BZW1: variants seen among roughly 807,000 people sequenced by gnomAD.
BZW1 encodes the protein basic leucine zipper and W2 domains 1.
BZW1 carries 3 observed loss-of-function variants against 54.1 expected under a neutral mutation model. The observed-to-expected ratio is 0.06, with a 90% confidence interval of 0.03 to 0.14. The LOEUF is 0.14. Among genes scored for constraint, BZW1 ranks in the 10% least tolerant of loss-of-function variants. The pLI is 1.00. For missense variants in BZW1, 206 were observed against 491.7 expected (o/e 0.42, Z 5.50); for synonymous variants, 152 against 162.7 (o/e 0.93, Z 0.50).
intron 10 of BZW1, 120 bp downstream of exon 10, chr2:200,820,240 A>G: frequency 1.1e-6 from 1 of 918,860 alleles, no homozygotes; most frequent in Non-Finnish European, 1.6e-6. Flanking sequence ...TCTAGTTATG[A>G]GTCACCTCTG....
In BZW1 at chr2:200,812,615, A is replaced by G. The variant is rs1480823717; in HGVS notation, c.-10-593A>G. On this transcript the variant is annotated intron_variant, in intron 1 of 11. Coordinates refer to ENST00000409600, the MANE Select transcript of BZW1 (RefSeq NM_001207067.2). ...ATGGGAAGGGTGTGGATTGGGAGACACGTTACCGGGGAGGAGGCTAGGACT... is the reference window on the plus strand; with the variant it reads ...ATGGGAAGGGTGTGGATTGGGAGACGCGTTACCGGGGAGGAGGCTAGGACT... 5 of 1,344,762 alleles carry G rather than the reference A, an allele frequency of 3.7e-6. No homozygotes were observed. In the East Asian group the frequency reaches 1.3e-4, roughly 34 times the overall value. 83.3% of individuals were successfully genotyped at this position (1,344,762 alleles called of 1,614,324 possible). A position where few individuals can be genotyped will look rare whatever the true frequency, so the allele number is the denominator to read the frequency against.
chr2:200,822,050 C>T (rs1298742483), intron 11 of BZW1, 97 bp from the exon 12 acceptor site: 7 of 1,181,076 alleles, frequency 5.9e-6, no homozygotes, highest in African/African-American at 3.1e-5. Flanking sequence ...GCCTGTGGGA[C>T]AGAGGGAGAC....
rs1226206662 is a variant in BZW1, at chr2:200,823,538, G to A, written c.*1360G>A. 2 of 152,184 alleles carry A rather than the reference G, an allele frequency of 1.3e-5. No individual in the cohort carries two copies. The highest frequency in any genetic ancestry group is 4.8e-5 in the African/African-American group (2 of 41,274). The allele number at this position is 152,184 out of a possible 1,614,324, so 9.4% of individuals were successfully genotyped here. ...GGAATAATGCCACCAGAGACTGAGT[G>A]GAAATCGCCCCTTTTGAAGGTGCCA... On this transcript the variant is annotated 3_prime_UTR_variant, in exon 12 of 12. Transcript: ENST00000409600.
rs759511874 is a variant in BZW1 at position 200,818,011 on chromosome 2, A to G, written c.576A>G (p.Ser192=). ...SAAFAVKLFK[S]WINEKDINAV... ...CTTTTGCTGTGAAGCTCTTTAAATC[A>G]TGGATAAATGAAAAAGATATCAATG... Residue 192 remains serine, a synonymous_variant, in exon 7 of 12, where the codon TCA becomes TCG. Coordinates refer to ENST00000409600, the MANE Select transcript of BZW1 (RefSeq NM_001207067.2). 2.2e-4 allele frequency: 335 copies of G among 1,553,330 alleles called. No homozygotes were observed. The highest frequency in any genetic ancestry group is 2.7e-4 in the Non-Finnish European group (313 of 1,147,002).
At chr2:200,821,336 G>A (rs1416311227) in intron 11 of BZW1, 31 bp downstream of exon 11, 1 of 1,609,854 alleles carries the variant, frequency 6.2e-7, no homozygotes, top group Admixed American at 1.7e-5. Context: ...GGTTTGTTTG[G>A]TAAAGCTAAT....
chr2:200,815,782 T>C (rs1305297463), intron 4 of BZW1, 21 bp downstream of exon 4: 1 of 1,507,900 alleles, frequency 6.6e-7, no homozygotes, highest in South Asian at 1.3e-5. Flanking sequence ...CTTTACATAA[T>C]TGTTTTCAGT....
In BZW1 at chr2:200,826,152, T is replaced by A. The variant is rs1370991177; in HGVS notation, c.*3974T>A. The A allele has an allele frequency of 2.0e-5, 3 of 152,164 alleles. No individual in the cohort carries two copies. The highest frequency in any genetic ancestry group is 7.2e-5 in the African/African-American group (3 of 41,444). 9.4% of individuals were successfully genotyped at this position (152,164 alleles called of 1,614,324 possible). On this transcript the variant is annotated 3_prime_UTR_variant, in exon 12 of 12. Transcript: ENST00000409600. ...TAATTGGCTTTTGTCCAAAAACTCT[T>A]AAGTGGATTAATATCTGAACAATCT...
At chr2:200,819,120 A>C (rs2038407095) in intron 9 of BZW1, 3 of 538,564 alleles carry the variant, frequency 5.6e-6, no homozygotes, top group Non-Finnish European at 9.3e-6. Flanking sequence ...GGCCAGGCAC[A>C]ATGGCTCACG....
chr2:200,813,375 T>C (rs750206244), intron 2 of BZW1, 94 bp downstream of exon 2: 65 of 1,106,390 alleles, frequency 5.9e-5, no homozygotes, highest in Non-Finnish European at 7.8e-5. Flanking sequence ...TACTAAAGCC[T>C]CAAAAGAAGA....
In BZW1 at chr2:200,812,267, C is replaced by T. The variant is rs529708605; in HGVS notation, c.-11+277C>T. 4.8e-5 allele frequency: 59 copies of T among 1,232,482 alleles called. 1 individual carries two copies. The South Asian group carries it at 2.0e-3, about 42-fold the overall frequency. The allele number at this position is 1,232,482 out of a possible 1,614,324, so 76.3% of individuals were successfully genotyped here. On this transcript the variant is annotated intron_variant, in intron 1 of 11. Coordinates refer to ENST00000409600, the MANE Select transcript of BZW1 (RefSeq NM_001207067.2). ...CGAGGCGGGCTCCCTCTGGGCCGTG[C>T]CCGGCCTGGCTAACAAAGCCGCCGC...
chr2:200,818,529 C>G, intron 8 of BZW1, 136 bp downstream of exon 8: 6 of 1,149,686 alleles, frequency 5.2e-6, no homozygotes, highest in Non-Finnish European at 7.4e-6. Flanking sequence ...TTGCCTCATT[C>G]TTTTGCATAT....
At chr2:200,817,931 C>A in intron 6 of BZW1, 43 bp from the exon 7 acceptor site, 2 of 1,361,044 alleles carry the variant, frequency 1.5e-6, no homozygotes, top group Non-Finnish European at 2.0e-6. Flanking sequence ...GTGATTGAAA[C>A]CAGGGAAGGT....
In BZW1 at chr2:200,818,958, G is replaced by T; in HGVS notation, c.966+57G>T. On this transcript the variant is annotated intron_variant, in intron 9 of 11. Transcript: ENST00000409600. ...ATTCTGCTTTCACGTGGTGATAAGTGAACTGTGACTATATTTTTCTAAGAG... is the reference window on the plus strand; with the variant it reads ...ATTCTGCTTTCACGTGGTGATAAGTTAACTGTGACTATATTTTTCTAAGAG... 3 of 1,495,444 alleles carry T rather than the reference G, an allele frequency of 2.0e-6. No individual in the cohort carries two copies. In the South Asian group the frequency reaches 4.1e-5, roughly 20 times the overall value. The allele number at this position is 1,495,444 out of a possible 1,614,324, so 92.6% of individuals were successfully genotyped here. A position where few individuals can be genotyped will look rare whatever the true frequency, so the allele number is the denominator to read the frequency against.
At position 200,827,143 on chromosome 2, in the gene BZW1, G is replaced by A. The variant is rs879614168; in HGVS notation, c.*4965G>A. ...AGTTAGGAGCAATGGCGCCCAGGACGGCACACAGAATGGAGAAAACTGGAT... is the reference window on the plus strand; with the variant it reads ...AGTTAGGAGCAATGGCGCCCAGGACAGCACACAGAATGGAGAAAACTGGAT... On this transcript the variant is annotated 3_prime_UTR_variant, in exon 12 of 12. Transcript: ENST00000409600. The A allele has an allele frequency of 5.9e-5, 9 of 152,044 alleles. No individual in the cohort carries two copies. The highest frequency in any genetic ancestry group is 8.8e-5 in the Non-Finnish European group (6 of 68,010). The allele number at this position is 152,044 out of a possible 1,614,324, so 9.4% of individuals were successfully genotyped here. A position where few individuals can be genotyped will look rare whatever the true frequency, so the allele number is the denominator to read the frequency against.
In BZW1 at chr2:200,825,279, C is replaced by CA. The variant is rs367744826; in HGVS notation, c.*3104dup. 1 of 96,810 alleles carries CA rather than the reference C, an allele frequency of 1.0e-5. No homozygotes were observed. Among genetic ancestry groups the CA allele is most frequent in the African/African-American group, 2.9e-5 (1 of 33,904 alleles). 6.0% of individuals were successfully genotyped at this position (96,810 alleles called of 1,614,324 possible). ...TTCACCACGTTGATCAGGCTGGTCT[C>CA]AAACTCCTGACCTCGTGGTCTGCCT... On this transcript the variant is annotated 3_prime_UTR_variant, in exon 12 of 12. Coordinates refer to ENST00000409600, the MANE Select transcript of BZW1 (RefSeq NM_001207067.2).
At position 200,825,692 on chromosome 2, in the gene BZW1, C is replaced by G. The variant is rs1453828424; in HGVS notation, c.*3514C>G. On this transcript the variant is annotated 3_prime_UTR_variant, in exon 12 of 12. Transcript: ENST00000409600. ...TCATTTGGGTTCTTTCTATAAAAAT[C>G]AGTGAAAATCCTCTAGATGAATGAA... 1 of 152,204 alleles carries G rather than the reference C, an allele frequency of 6.6e-6. No individual in the cohort carries two copies. Among genetic ancestry groups the G allele is most frequent in the East Asian group, 1.9e-4 (1 of 5,204 alleles). The allele number at this position is 152,204 out of a possible 1,614,324, so 9.4% of individuals were successfully genotyped here.
chr2:200,821,190 C>T lies in BZW1; in HGVS notation c.1113C>T (p.Val371=). ...AATGAGTTTTCTTTCCAGCTGAAGT[C>T]CTGAGCGAGGAGCCCATTTTGAAGT... ...KIVVLFYKAE[V]LSEEPILKWY... is the part of the protein sequence containing the mutation. The change falls in exon 11 of 12, where the codon GTC becomes GTT. Residue 371 remains valine, a synonymous_variant. Coordinates refer to ENST00000409600, the MANE Select transcript of BZW1 (RefSeq NM_001207067.2). 1 of 1,611,442 alleles carries T rather than the reference C, an allele frequency of 6.2e-7. No homozygotes were observed. Among genetic ancestry groups the T allele is most frequent in the Non-Finnish European group, 8.5e-7 (1 of 1,179,494 alleles).
rs1374266967 is a variant in BZW1, at chr2:200,824,273, T to TA, written c.*2097dup. ...TATAAAAAGATTCCATTCTGAATCT[T>TA]AAGTGGTAATTTTAGAATTCAGGTG... On this transcript the variant is annotated 3_prime_UTR_variant, in exon 12 of 12. Transcript: ENST00000409600. The TA allele has an allele frequency of 4.6e-5, 7 of 152,220 alleles. No individual in the cohort carries two copies. The highest frequency in any genetic ancestry group is 1.0e-4 in the Non-Finnish European group (7 of 68,018). 9.4% of individuals were successfully genotyped at this position (152,220 alleles called of 1,614,324 possible). A position where few individuals can be genotyped will look rare whatever the true frequency, so the allele number is the denominator to read the frequency against.
At chr2:200,817,871 C>A in intron 6 of BZW1, 103 bp from the exon 7 acceptor site, 1 of 779,284 alleles carries the variant, frequency 1.3e-6, no homozygotes. Flanking sequence ...TGAGGAAAGT[C>A]AGTAATCCCA....
Sources: gnomAD v4.1 joint callset for allele counts on GRCh38, gnomAD v4.1.1 for gene constraint, MANE v1.5 for transcripts, NCBI Gene and HGNC (gene_info 2026-07-23, HGNC 2026-07-21) for gene names.